The following SLIT3 variants were observed in gnomAD, a reference collection of about 807,000 sequenced individuals.
SLIT3 encodes the protein slit guidance ligand 3.
Under a neutral mutation model 184.0 loss-of-function variants are expected in SLIT3, and 68 were observed. The observed-to-expected ratio is 0.37, with a 90% CI of 0.30 to 0.45. The LOEUF (loss-of-function observed/expected upper bound fraction) is 0.45. Ranked by LOEUF, SLIT3 falls within the 20% of genes least tolerant of loss-of-function variation. SLIT3 has a pLI of 1.00. For synonymous variants in SLIT3, 831 were observed against 828.6 expected, an observed-to-expected ratio of 1.00 and a Z score of -0.05; for missense variants, 1,707 against 2,026.0, an observed-to-expected ratio of 0.84 and a Z score of 3.02.
Position 168,960,237 on chromosome 5 carries a change from G to A in SLIT3, c.414-76901C>T, listed in dbSNP as rs59441586. On this transcript the variant is annotated intron_variant, in intron 4 of 35. Coordinates refer to ENST00000519560, the MANE Select transcript of SLIT3 (RefSeq NM_003062.4). ...GCATGGCAGGTAATAGTCGGTGCTTGGTGATTCTCTGGTTAATGTATGCAC... is the reference window on the plus strand; with the variant it reads ...GCATGGCAGGTAATAGTCGGTGCTTAGTGATTCTCTGGTTAATGTATGCAC... Among the ~76,000 whole-genome samples the A allele has an allele frequency of 5.7e-3, 868 of 152,314 alleles. 7 individuals carry two copies. Among genetic ancestry groups the A allele is most frequent in the African/African-American group, 0.02 (824 of 41,558 alleles).
chr5:168,856,806 TGCGCGCGC>T, intron 5 of SLIT3, among the ~76,000 whole-genome samples: 1 of 137,822 alleles, frequency 7.3e-6, no homozygotes, highest in South Asian at 2.4e-4. Context: ...TGTGTGTGTG[TGCGCGCGC>T]GCGCACGCCT....
At chr5:169,194,973 G>T (rs1763692125) in intron 3 of SLIT3, among the ~76,000 whole-genome samples, 1 of 152,146 alleles carries the variant, frequency 6.6e-6, no homozygotes, top group Non-Finnish European at 1.5e-5. Flanking sequence ...GAAACAGGAA[G>T]CCACCCAAAC....
intron 4 of SLIT3, among the ~76,000 whole-genome samples, chr5:169,093,505 C>T (rs1759665355): frequency 6.6e-6 from 1 of 152,108 alleles, no homozygotes; most frequent in African/African-American, 2.4e-5. Flanking sequence ...CTGATTGGCC[C>T]AGGTCTGGCT....
intron 20 of SLIT3, among the ~76,000 whole-genome samples, chr5:168,734,451 C>T (rs1017792475): frequency 9.8e-5 from 15 of 152,312 alleles, no homozygotes; most frequent in African/African-American, 3.6e-4. Flanking sequence ...AGTGTCTCTC[C>T]TCCCTCCTTG....
chr5:169,218,447 ACT>A (rs1764517028), intron 3 of SLIT3, among the ~76,000 whole-genome samples: 2 of 151,984 alleles, frequency 1.3e-5, no homozygotes, highest in African/African-American at 4.8e-5. Context: ...TCTGTGAGAA[ACT>A]CAGCACCTCA....
chr5:168,679,337 C>T (rs773552555), intron 32 of SLIT3, among the ~76,000 whole-genome samples: 40 of 152,172 alleles, frequency 2.6e-4, no homozygotes, highest in Non-Finnish European at 5.4e-4. Context: ...GAGTTACAGG[C>T]GTGAGCCACC....
At chr5:169,064,037 G>C (rs1758266525) in intron 4 of SLIT3, among the ~76,000 whole-genome samples, 1 of 152,110 alleles carries the variant, frequency 6.6e-6, no homozygotes, top group African/African-American at 2.4e-5. Context: ...TAATTAGCAG[G>C]GTAAATTATT....
chr5:168,961,124 C>G (rs1161301758), intron 4 of SLIT3, among the ~76,000 whole-genome samples: 1 of 152,206 alleles, frequency 6.6e-6, no homozygotes, highest in African/African-American at 2.4e-5. Flanking sequence ...CTTACCTCCC[C>G]TTTCCCCCTT....
chr5:168,707,301 G>C (rs545300109), intron 26 of SLIT3: 2 of 152,588 alleles, frequency 1.3e-5, no homozygotes, highest in Non-Finnish European at 2.9e-5. Context: ...ACTTGGCACA[G>C]TCTGTACTCG....
At chr5:168,895,033 T>C (rs1187467723) in intron 4 of SLIT3, among the ~76,000 whole-genome samples, 1 of 152,088 alleles carries the variant, frequency 6.6e-6, no homozygotes, top group Non-Finnish European at 1.5e-5. Context: ...GCTGAAGATG[T>C]ACAGAAATAA....
chr5:168,975,691 G>A (rs763249995), intron 4 of SLIT3, among the ~76,000 whole-genome samples: 1 of 152,158 alleles, frequency 6.6e-6, no homozygotes, highest in African/African-American at 2.4e-5. Flanking sequence ...GTAGGATTCT[G>A]TTTCTTACAT....
intron 4 of SLIT3, among the ~76,000 whole-genome samples, chr5:169,065,897 C>T (rs778284070): frequency 1.3e-5 from 2 of 152,200 alleles, no homozygotes; most frequent in Non-Finnish European, 2.9e-5. Flanking sequence ...CATATAGTCT[C>T]TTAAATATCT....
At chr5:169,130,000 A>C (rs111628748) in intron 4 of SLIT3, among the ~76,000 whole-genome samples, 9,960 of 152,044 alleles carry the variant, frequency 0.066, 618 homozygotes, top group African/African-American at 0.16. Context: ...AGGTGCCCAC[A>C]ACTGCGCCGG....
intron 4 of SLIT3, among the ~76,000 whole-genome samples, chr5:169,032,922 ATTTTTTTTTTTTTT>A (rs199911562): frequency 1.1e-5 from 1 of 88,126 alleles, no homozygotes; most frequent in South Asian, 4.2e-4. Flanking sequence ...TTTTTCCTTG[ATTTTTTTTTTTTTT>A]TTTTTTTTTT....
Position 168,947,311 on chromosome 5 carries a change from C to A in SLIT3, c.414-63975G>T, listed in dbSNP as rs182670682. The stretch of plus-strand genomic sequence containing the variant: ...GATGCTGCCCATCACCTTTCCCTGG[C>A]CTGTGGGTGTCATCTCTGCAGACTG... On this transcript the variant is annotated intron_variant, in intron 4 of 35. Transcript: ENST00000519560. Among the ~76,000 whole-genome samples the A allele has an allele frequency of 2.8e-4, 43 of 152,262 alleles. 1 individual carries two copies. In the East Asian group the frequency reaches 6.6e-3, roughly 23 times the overall value.
intron 4 of SLIT3, among the ~76,000 whole-genome samples, chr5:169,072,125 T>A (rs1758572781): frequency 1.3e-5 from 2 of 152,174 alleles, no homozygotes; most frequent in South Asian, 4.2e-4. Flanking sequence ...AAGTATTGCA[T>A]CAAATAGAGG....
chr5:168,981,692 T>C (rs904740289), intron 4 of SLIT3, among the ~76,000 whole-genome samples: 1 of 152,210 alleles, frequency 6.6e-6, no homozygotes, highest in Non-Finnish European at 1.5e-5. Flanking sequence ...TCTTCTTTGA[T>C]CAATAACTCC....
intron 5 of SLIT3, among the ~76,000 whole-genome samples, chr5:168,874,694 G>A (rs1362101025): frequency 2.0e-5 from 3 of 152,134 alleles, no homozygotes; most frequent in African/African-American, 7.2e-5. Context: ...TTCTGGGATG[G>A]GGCATTTACC....
intron 4 of SLIT3, among the ~76,000 whole-genome samples, chr5:168,909,472 C>T (rs945503532): frequency 6.6e-6 from 1 of 152,216 alleles, no homozygotes; most frequent in South Asian, 2.1e-4. Context: ...TCCAGTTTAG[C>T]ATCGCCCACA....
Sources: gnomAD v4.1 joint callset for allele counts (sites outside exome capture counted in the v4.1 genomes callset) on GRCh38, gnomAD v4.1.1 for gene constraint, MANE v1.5 for transcripts, NCBI Gene and HGNC (gene_info 2026-07-23, HGNC 2026-07-21) for gene names.